The following UBAC1 variants were observed in gnomAD, a reference collection of about 807,000 sequenced individuals.
UBAC1 encodes UBA domain containing 1, also known as ubiquitin-associated domain-containing protein 1.
In UBAC1, 27 loss-of-function variants were observed where a neutral mutation model predicts 45.9. That is an observed-to-expected ratio of 0.59 (90% CI 0.43 to 0.81). The LOEUF is 0.81. Ranked by LOEUF, UBAC1 falls within the 30% of genes least tolerant of loss-of-function variation. UBAC1 has a pLI of 0.00. For missense variants in UBAC1, 529 were observed against 539.2 expected (o/e 0.98, Z 0.19); for synonymous variants, 227 against 215.5 (o/e 1.05, Z -0.47).
chr9:135,936,784 C>T (rs1030328580), intron 9 of UBAC1, among the ~76,000 whole-genome samples: 4 of 152,080 alleles, frequency 2.6e-5, no homozygotes, highest in Admixed American at 6.6e-5. Context: ...TGAGCCACCA[C>T]GCCCAGCCAT....
At chr9:135,946,769 C>T (rs1238499822) in intron 4 of UBAC1, among the ~76,000 whole-genome samples, 1 of 152,250 alleles carries the variant, frequency 6.6e-6, no homozygotes, top group African/African-American at 2.4e-5. Flanking sequence ...GGCATGGCTG[C>T]CACACAGCGT....
At chr9:135,944,508 G>C (rs982321272) in intron 7 of UBAC1, among the ~76,000 whole-genome samples, 1 of 152,232 alleles carries the variant, frequency 6.6e-6, no homozygotes, top group African/African-American at 2.4e-5. Flanking sequence ...GAAGAATGGG[G>C]AGATGAGGCG....
In UBAC1 at chr9:135,955,184, G is replaced by A. The variant is rs537346361; in HGVS notation, c.259+111C>T. On this transcript the variant is annotated intron_variant, in intron 2 of 9. Transcript: ENST00000371756. ...TTTAGTCGATCTCGTTTTTGTGCTC[G>A]TGTCCAGCTCAGAACACTGACTCCT... 58 of 1,145,020 alleles carry A rather than the reference G, an allele frequency of 5.1e-5. No homozygotes were observed. In the African/African-American group the frequency reaches 8.2e-4, roughly 16 times the overall value. 70.9% of individuals were successfully genotyped at this position (1,145,020 alleles called of 1,614,324 possible). A position where few individuals can be genotyped will look rare whatever the true frequency, so the allele number is the denominator to read the frequency against.
intron 6 of UBAC1, 125 bp from the exon 7 acceptor site, chr9:135,945,375 A>G (rs1839317723): frequency 1.2e-6 from 1 of 837,068 alleles, no homozygotes; most frequent in Non-Finnish European, 1.8e-6. Context: ...GGTGACCCTT[A>G]TAACAAGAAC....
chr9:135,959,612 A>T (rs1395789184), intron 1 of UBAC1, among the ~76,000 whole-genome samples: 3 of 151,880 alleles, frequency 2.0e-5, no homozygotes, highest in Admixed American at 1.3e-4. Context: ...TGACCTCATA[A>T]TCCGCCCACC....
intron 4 of UBAC1, among the ~76,000 whole-genome samples, chr9:135,946,626 C>G (rs1430082460): frequency 6.6e-6 from 1 of 152,238 alleles, no homozygotes; most frequent in Non-Finnish European, 1.5e-5. Flanking sequence ...CGATACTCAG[C>G]CTGTGCCCTG....
At chr9:135,944,917 A>G (rs528189371) in intron 7 of UBAC1, 111 bp downstream of exon 7, 54 of 1,080,302 alleles carry the variant, frequency 5.0e-5, no homozygotes, top group Non-Finnish European at 6.8e-5. Context: ...CTCCTGGGAC[A>G]GGAGCCAGCT....
chr9:135,937,436 G>A (rs750849955), intron 9 of UBAC1, among the ~76,000 whole-genome samples: 2 of 75,102 alleles, frequency 2.7e-5, no homozygotes, highest in Non-Finnish European at 5.1e-5. Context: ...GCGAGACTCT[G>A]TCTCAAAAAA....
chr9:135,939,791 G>A, intron 7 of UBAC1, 32 bp from the exon 8 acceptor site: 2 of 1,594,790 alleles, frequency 1.3e-6, no homozygotes, highest in Non-Finnish European at 1.7e-6. Flanking sequence ...AGCTCGCTGG[G>A]GGCGGCAGGA....
In UBAC1 at chr9:135,945,150, C is replaced by A. The variant is rs1186211051; in HGVS notation, c.754G>T (p.Ala252Ser). The part of the protein sequence containing the change: ...PGQAPPEAEG[A>S]TAAASEAAAG... Reference sequence around the variant, plus strand: ...GCAGCCTCGGAGGCAGCTGCTGTGGCCCCCTCGGCCTCTGGGGGAGCTTGG... The same window carrying A: ...GCAGCCTCGGAGGCAGCTGCTGTGGACCCCTCGGCCTCTGGGGGAGCTTGG... The change falls in exon 7 of 10, where the codon GCC becomes TCC. Residue 252 changes from alanine to serine, a missense_variant. Ala to Ser is a moderately conservative substitution (Grantham distance 99). Coordinates refer to ENST00000371756, the MANE Select transcript of UBAC1 (RefSeq NM_016172.3). 1.2e-6 allele frequency: 2 copies of A among 1,613,882 alleles called. No homozygotes were observed. Among genetic ancestry groups the A allele is most frequent in the African/African-American group, 1.3e-5 (1 of 75,054 alleles).
chr9:135,949,335 G>A (rs1383291479), intron 3 of UBAC1, among the ~76,000 whole-genome samples: 1 of 152,106 alleles, frequency 6.6e-6, no homozygotes, highest in East Asian at 1.9e-4. Flanking sequence ...AAGAAAACAA[G>A]GAGATCAAAA....
chr9:135,946,880 C>T (rs1839344223), intron 4 of UBAC1, among the ~76,000 whole-genome samples: 1 of 152,226 alleles, frequency 6.6e-6, no homozygotes, highest in Non-Finnish European at 1.5e-5. Flanking sequence ...AGAGGTCAGG[C>T]GTCAGCTGTC....
At chr9:135,947,776 G>A (rs1285379118) in intron 4 of UBAC1, 22 bp downstream of exon 4, 7 of 1,599,934 alleles carry the variant, frequency 4.4e-6, no homozygotes, top group African/African-American at 2.7e-5. Flanking sequence ...TGCACCCGCC[G>A]CCGCTCTGGG....
chr9:135,958,835 A>T (rs1273414753), intron 1 of UBAC1, among the ~76,000 whole-genome samples: 1 of 152,222 alleles, frequency 6.6e-6, no homozygotes, highest in Non-Finnish European at 1.5e-5. Context: ...TGGAGTCCTG[A>T]AATGTATGTC....
In UBAC1 at chr9:135,961,181, G is replaced by T. The variant is rs377654494; in HGVS notation, c.-19C>A. Reference sequence around the variant, plus strand: ...CGAACATCCCGCCGCCGCCGCAGGGGCCTGCGCCCGCCACCCGGGCCCCTG... The same window carrying T: ...CGAACATCCCGCCGCCGCCGCAGGGTCCTGCGCCCGCCACCCGGGCCCCTG... On this transcript the variant is annotated 5_prime_UTR_variant, in exon 1 of 10. Transcript: ENST00000371756. The T allele has an allele frequency of 1.3e-6, 2 of 1,510,338 alleles. No individual in the cohort carries two copies. The highest frequency in any genetic ancestry group is 2.1e-5 in the Admixed American group (1 of 46,532). 93.6% of individuals were successfully genotyped at this position (1,510,338 alleles called of 1,614,324 possible). A position where few individuals can be genotyped will look rare whatever the true frequency, so the allele number is the denominator to read the frequency against.
Position 135,952,334 on chromosome 9 carries a change from C to G in UBAC1, c.333+1346G>C, listed in dbSNP as rs1839415465. 2.0e-5 allele frequency among the ~76,000 whole-genome samples: 3 copies of G among 152,376 alleles called. No homozygotes were observed. In the South Asian group the frequency reaches 6.2e-4, roughly 32 times the overall value. On this transcript the variant is annotated intron_variant, in intron 3 of 9. Transcript: ENST00000371756. ...GGGGTGAACACTCTCCTTAGCCTTT[C>G]AAAGCACGAGTAAGAAATTCTACCC... is the stretch of plus-strand genomic sequence containing the variant.
intron 1 of UBAC1, among the ~76,000 whole-genome samples, chr9:135,958,151 A>C (rs961767728): frequency 6.7e-6 from 1 of 149,648 alleles, no homozygotes; most frequent in African/African-American, 2.5e-5. Flanking sequence ...GGTTCACACC[A>C]TTCTCCTGTC....
chr9:135,952,985 T>C (rs1156628575), intron 3 of UBAC1, among the ~76,000 whole-genome samples: 2 of 152,214 alleles, frequency 1.3e-5, no homozygotes, highest in African/African-American at 2.4e-5. Flanking sequence ...GGTGGTTGGT[T>C]ACCCACTTTC....
At chr9:135,944,688 AG>A (rs1300907120) in intron 7 of UBAC1, among the ~76,000 whole-genome samples, 2 of 152,296 alleles carry the variant, frequency 1.3e-5, no homozygotes, top group South Asian at 2.1e-4. Flanking sequence ...GCTGCCGAAC[AG>A]GGGGGGCTTG....
Sources: gnomAD v4.1 joint callset for allele counts (sites outside exome capture counted in the v4.1 genomes callset) on GRCh38, gnomAD v4.1.1 for gene constraint, MANE v1.5 for transcripts, NCBI Gene and HGNC (gene_info 2026-07-23, HGNC 2026-07-21) for gene names.